The following LRRTM4 variants were observed in gnomAD, a reference collection of about 807,000 sequenced individuals.
LRRTM4 encodes leucine-rich repeat transmembrane neuronal protein 4.
A neutral mutation model predicts 47.6 loss-of-function variants in LRRTM4; 25 were observed. The observed-to-expected ratio is 0.53, with a 90% CI of 0.38 to 0.73. The LOEUF (loss-of-function observed/expected upper bound fraction) is 0.73, where lower values mean the gene tolerates loss of function less well. Among genes scored for constraint, LRRTM4 ranks in the 30% least tolerant of loss-of-function variants. The pLI is 0.00. For synonymous variants in LRRTM4, 311 were observed against 269.5 expected (o/e 1.15, Z -1.51); for missense variants, 638 against 713.4 (o/e 0.89, Z 1.20).
At chr2:77,204,172 G>A (rs536968552) in intron 3 of LRRTM4, among the ~76,000 whole-genome samples, 193 of 152,276 alleles carry the variant, frequency 1.3e-3, no homozygotes, top group Non-Finnish European at 2.2e-3. Flanking sequence ...ATCACAGGGA[G>A]CAGCAGAGAA....
Position 77,246,387 on chromosome 2 carries a change from G to A in LRRTM4, c.1551+271931C>T, listed in dbSNP as rs556912401. ...TCGCCAATATATACACACTACAAAG[G>A]TAAATAATTGAATCAGTGTATAAAT... On this transcript the variant is annotated intron_variant, in intron 3 of 3. Transcript: ENST00000409884. Among the ~76,000 whole-genome samples the A allele has an allele frequency of 1.0e-3, 156 of 152,180 alleles. 1 individual carries two copies. Among genetic ancestry groups the A allele is most frequent in the Non-Finnish European group, 1.3e-3 (87 of 67,982 alleles).
chr2:77,093,387 A>G (rs932297611), intron 3 of LRRTM4, among the ~76,000 whole-genome samples: 17 of 150,400 alleles, frequency 1.1e-4, no homozygotes, highest in African/African-American at 3.7e-4. Context: ...TATTCTATTT[A>G]GTTTCTCAAT....
intron 3 of LRRTM4, among the ~76,000 whole-genome samples, chr2:76,820,873 C>T (rs1419870261): frequency 6.6e-6 from 1 of 151,764 alleles, no homozygotes; most frequent in South Asian, 2.1e-4. Context: ...GTTACAGCAT[C>T]TGAATTCTCC....
At chr2:77,069,302 A>G (rs982260440) in intron 3 of LRRTM4, among the ~76,000 whole-genome samples, 7 of 152,052 alleles carry the variant, frequency 4.6e-5, no homozygotes, top group African/African-American at 1.7e-4. Flanking sequence ...TAATAATACT[A>G]TTAACATACA....
chr2:77,447,321 T>C (rs1466690381), intron 3 of LRRTM4, among the ~76,000 whole-genome samples: 1 of 152,034 alleles, frequency 6.6e-6, no homozygotes, highest in Non-Finnish European at 1.5e-5. Flanking sequence ...TGTAAAGACA[T>C]AGGTATATTT....
At chr2:77,035,397 C>A (rs1230050781) in intron 3 of LRRTM4, among the ~76,000 whole-genome samples, 1 of 151,782 alleles carries the variant, frequency 6.6e-6, no homozygotes, top group African/African-American at 2.4e-5. Context: ...AATCAAGAAA[C>A]AGCATGTCCA....
chr2:77,450,354 T>A (rs1039892447), intron 3 of LRRTM4, among the ~76,000 whole-genome samples: 2 of 151,506 alleles, frequency 1.3e-5, no homozygotes, highest in Non-Finnish European at 2.9e-5. Flanking sequence ...GGTACAAAGT[T>A]ACAGGGTACA....
intron 3 of LRRTM4, among the ~76,000 whole-genome samples, chr2:76,931,495 C>T (rs1421000590): frequency 6.6e-6 from 1 of 152,056 alleles, no homozygotes; most frequent in Non-Finnish European, 1.5e-5. Flanking sequence ...GACAAGGTTC[C>T]CTGCTGTGCC....
chr2:77,379,759 T>C (rs1249414294), intron 3 of LRRTM4, among the ~76,000 whole-genome samples: 2 of 152,132 alleles, frequency 1.3e-5, no homozygotes, highest in Non-Finnish European at 2.9e-5. Flanking sequence ...CATTTAGATA[T>C]TAAACAGAAG....
chr2:77,430,098 T>C (rs1310456531), intron 3 of LRRTM4, among the ~76,000 whole-genome samples: 1 of 152,132 alleles, frequency 6.6e-6, no homozygotes. Flanking sequence ...TAAAACATGC[T>C]AACTAGAGTT....
At chr2:77,257,358 A>G (rs984434177) in intron 3 of LRRTM4, among the ~76,000 whole-genome samples, 2 of 152,128 alleles carry the variant, frequency 1.3e-5, no homozygotes, top group Admixed American at 6.6e-5. Flanking sequence ...AAGTTCACAG[A>G]GTGCAAAATA....
At chr2:77,100,986 C>T (rs1041895881) in intron 3 of LRRTM4, among the ~76,000 whole-genome samples, 2 of 151,876 alleles carry the variant, frequency 1.3e-5, no homozygotes, top group Non-Finnish European at 2.9e-5. Context: ...CAGGCACCCA[C>T]CACCATGCCC....
chr2:77,156,161 A>G (rs1043953221), intron 3 of LRRTM4, among the ~76,000 whole-genome samples: 2 of 152,128 alleles, frequency 1.3e-5, no homozygotes, highest in African/African-American at 4.8e-5. Flanking sequence ...GCACTCAGTT[A>G]AAAAGAATTA....
chr2:77,243,206 A>G (rs915743475), intron 3 of LRRTM4, among the ~76,000 whole-genome samples: 2 of 152,104 alleles, frequency 1.3e-5, no homozygotes, highest in East Asian at 3.9e-4. Context: ...TGAGGTCAGG[A>G]GTTCGAGAAC....
At chr2:77,500,805 C>T (rs1678545633) in intron 3 of LRRTM4, among the ~76,000 whole-genome samples, 1 of 151,530 alleles carries the variant, frequency 6.6e-6, no homozygotes, top group Non-Finnish European at 1.5e-5. Flanking sequence ...AAACATCTCA[C>T]TTGTCTACCA....
chr2:76,927,264 C>T (rs1050369934), intron 3 of LRRTM4, among the ~76,000 whole-genome samples: 1 of 152,080 alleles, frequency 6.6e-6, no homozygotes, highest in African/African-American at 2.4e-5. Flanking sequence ...TATGTATCCA[C>T]ATTGATGATT....
At chr2:76,808,104 C>T (rs1670608252) in intron 3 of LRRTM4, among the ~76,000 whole-genome samples, 1 of 151,792 alleles carries the variant, frequency 6.6e-6, no homozygotes, top group African/African-American at 2.4e-5. Context: ...ACTGCAACCT[C>T]CACCTCCTGG....
rs116403916 is a variant in LRRTM4, at chr2:77,268,629, T to C, written c.1551+249689A>G. Among the ~76,000 whole-genome samples, 720 of 152,272 alleles carry C rather than the reference T, an allele frequency of 4.7e-3. 2 individuals are homozygous for C. The highest frequency in any genetic ancestry group is 0.016 in the African/African-American group (684 of 41,562). On this transcript the variant is annotated intron_variant, in intron 3 of 3. Transcript: ENST00000409884. The stretch of plus-strand genomic sequence containing the variant: ...AATTCCTCACTTAAAGTCCACTAGG[T>C]TATCCCAGTTGCTCTTTTTAAAAAG...
At chr2:77,466,242 A>G (rs999799400) in intron 3 of LRRTM4, among the ~76,000 whole-genome samples, 2 of 152,224 alleles carry the variant, frequency 1.3e-5, no homozygotes, top group African/African-American at 4.8e-5. Flanking sequence ...GGAGGTGAAA[A>G]GAACTCTGTT....
Sources: allele counts gnomAD v4.1 joint callset (sites outside exome capture counted in the v4.1 genomes callset), GRCh38; gene constraint gnomAD v4.1.1; transcripts MANE v1.5; gene names NCBI Gene and HGNC (gene_info 2026-07-23, HGNC 2026-07-21).